Variants in NR5A2 observed in about 807,000 individuals in gnomAD.
NR5A2 encodes nuclear receptor subfamily 5 group A member 2, also known as CYP7A promoter-binding factor.
In NR5A2, 26 loss-of-function variants were observed where a neutral mutation model predicts 62.7. The ratio of observed to expected loss-of-function variants is 0.41; its 90% CI spans 0.30 to 0.58. The LOEUF (loss-of-function observed/expected upper bound fraction) is 0.58. Ranked by LOEUF, NR5A2 falls within the 20% of genes least tolerant of loss-of-function variation. The pLI is 0.22. For synonymous variants in NR5A2, 246 were observed against 241.7 expected (o/e 1.02, Z -0.16); for missense variants, 541 against 669.1 (o/e 0.81, Z 2.11).
intron 7 of NR5A2, among the ~76,000 whole-genome samples, chr1:200,154,497 G>T (rs1296364496): frequency 6.6e-6 from 1 of 152,166 alleles, no homozygotes; most frequent in Non-Finnish European, 1.5e-5. Context: ...CAGAGAGATG[G>T]TGGTGGTCTC....
intron 1 of NR5A2, chr1:200,029,229 A>ACGCGCGCTCGGGGG (rs1661459476): frequency 4.7e-6 from 1 of 211,936 alleles, no homozygotes; most frequent in African/African-American, 2.4e-5. Context: ...CGCACGGGGG[A>ACGCGCGCTCGGGGG]CGCGCGCTCG....
At chr1:200,105,830 T>C (rs984278374) in intron 5 of NR5A2, among the ~76,000 whole-genome samples, 1 of 152,040 alleles carries the variant, frequency 6.6e-6, no homozygotes, top group Non-Finnish European at 1.5e-5. Context: ...TGAGTTCTGG[T>C]GGTCCTAGCT....
At chr1:200,075,480 A>T (rs1247057859) in intron 5 of NR5A2, among the ~76,000 whole-genome samples, 1 of 152,244 alleles carries the variant, frequency 6.6e-6, no homozygotes, top group Non-Finnish European at 1.5e-5. Flanking sequence ...GCAATATGCA[A>T]ATTAATTTGG....
At chr1:200,033,154 A>G (rs929744638) in intron 1 of NR5A2, among the ~76,000 whole-genome samples, 11 of 152,162 alleles carry the variant, frequency 7.2e-5, no homozygotes, top group African/African-American at 2.7e-4. Flanking sequence ...AGTTTCCTGG[A>G]AAGGATCTCT....
At chr1:200,084,911 A>G (rs888829635) in intron 5 of NR5A2, among the ~76,000 whole-genome samples, 5 of 152,238 alleles carry the variant, frequency 3.3e-5, no homozygotes, top group Non-Finnish European at 5.9e-5. Flanking sequence ...GAATACTGCT[A>G]CAGTCTAATA....
chr1:200,028,312 C>G (rs1012808495), intron 1 of NR5A2, among the ~76,000 whole-genome samples: 4 of 150,616 alleles, frequency 2.7e-5, no homozygotes, highest in Admixed American at 2.0e-4. Context: ...AGATAGCTGT[C>G]AAGTATTTGT....
Position 200,147,492 on chromosome 1 carries a change from G to GT in NR5A2, c.1379-26468dup. 1 of 632,690 alleles carries GT rather than the reference G, an allele frequency of 1.6e-6. No individual in the cohort carries two copies. Among genetic ancestry groups the GT allele is most frequent in the Non-Finnish European group, 3.0e-6 (1 of 329,292 alleles). 39.2% of individuals were successfully genotyped at this position (632,690 alleles called of 1,614,324 possible). On this transcript the variant is annotated intron_variant, in intron 7 of 7. Transcript: ENST00000367362. The surrounding 1 kb of genome is among the most constrained non-coding windows in gnomAD (Gnocchi z 4.9). ...TTTGAGGCAAGGGACAATTTGATCT[G>GT]TTTCTTCATCCTTAAAATTTCTGCT...
In NR5A2 at chr1:200,039,672, G is replaced by A; in HGVS notation, c.79G>A (p.Asp27Asn). ...CCCGTGTCCAGGTGCTGGGCTTCCGGACCGACACGGATCCCCCATCCCCGC... is the reference window on the plus strand; with the variant it reads ...CCCGTGTCCAGGTGCTGGGCTTCCGAACCGACACGGATCCCCCATCCCCGC... ...GLTPIGAGLP[D>N]RHGSPIPARG... Residue 27 changes from aspartate (D) to asparagine (N), a missense_variant, in exon 2 of 8, where the codon GAC becomes AAC. This residue lies in a region of NR5A2 where 108 missense variants were observed against 103.3 expected (regional missense o/e 1.05). Coordinates refer to ENST00000367362, the MANE Select transcript of NR5A2 (RefSeq NM_205860.3). This position sits in a 1 kb window ranked among gnomAD's most constrained non-coding sequence, Gnocchi z 5.1. 6.2e-7 allele frequency: 1 copy of A among 1,611,720 alleles called. No individual in the cohort carries two copies. The highest frequency in any genetic ancestry group is 8.5e-7 in the Non-Finnish European group (1 of 1,179,050).
At chr1:200,065,856 A>G (rs1663443210) in intron 5 of NR5A2, among the ~76,000 whole-genome samples, 1 of 152,216 alleles carries the variant, frequency 6.6e-6, no homozygotes, top group Non-Finnish European at 1.5e-5. Context: ...AGGCACAGGA[A>G]TAGCATATGC....
intron 5 of NR5A2, among the ~76,000 whole-genome samples, chr1:200,100,924 C>A (rs770358263): frequency 1.3e-5 from 2 of 152,090 alleles, no homozygotes; most frequent in African/African-American, 2.4e-5. Context: ...CTGAAACAAC[C>A]CTTATGGAGC....
At chr1:200,040,500 T>A (rs1662011979) in intron 2 of NR5A2, among the ~76,000 whole-genome samples, 1 of 152,232 alleles carries the variant, frequency 6.6e-6, no homozygotes, top group South Asian at 2.1e-4. Context: ...AGCTCTTGAT[T>A]GCCAACAAAA....
At chr1:200,086,465 A>G (rs1664531231) in intron 5 of NR5A2, among the ~76,000 whole-genome samples, 1 of 151,986 alleles carries the variant, frequency 6.6e-6, no homozygotes, top group African/African-American at 2.4e-5. Flanking sequence ...CACCATACCC[A>G]GCTAATTTTG....
chr1:200,094,002 A>G (rs1411382614), intron 5 of NR5A2, among the ~76,000 whole-genome samples: 1 of 151,940 alleles, frequency 6.6e-6, no homozygotes, highest in Admixed American at 6.6e-5. Context: ...TAAAAATACA[A>G]AAATAAAAAT....
intron 7 of NR5A2, among the ~76,000 whole-genome samples, chr1:200,162,815 C>T (rs1394522121): frequency 6.6e-6 from 1 of 152,018 alleles, no homozygotes; most frequent in Non-Finnish European, 1.5e-5. Context: ...GATTCTTAGT[C>T]CAATCATTGG....
intron 7 of NR5A2, among the ~76,000 whole-genome samples, chr1:200,173,305 C>T (rs1256632536): frequency 6.6e-6 from 1 of 152,186 alleles, no homozygotes; most frequent in Non-Finnish European, 1.5e-5. Context: ...ACCATCCTGG[C>T]TTGTGTTCTG....
chr1:200,081,064 T>C (rs112964727), intron 5 of NR5A2, among the ~76,000 whole-genome samples: 5 of 152,224 alleles, frequency 3.3e-5, no homozygotes, highest in Non-Finnish European at 7.3e-5. Flanking sequence ...GAGGAAAGAT[T>C]CAGAATCACC....
At chr1:200,089,206 T>C (rs909419220) in intron 5 of NR5A2, among the ~76,000 whole-genome samples, 1 of 152,162 alleles carries the variant, frequency 6.6e-6, no homozygotes, top group Non-Finnish European at 1.5e-5. Flanking sequence ...CTTTGGGTTT[T>C]GTTTTGTTTT....
At chr1:200,059,128 A>T (rs965085489) in intron 5 of NR5A2, among the ~76,000 whole-genome samples, 1 of 151,896 alleles carries the variant, frequency 6.6e-6, no homozygotes, top group Non-Finnish European at 1.5e-5. Context: ...TAATAATAAT[A>T]ATTAGAGGAG....
intron 7 of NR5A2, among the ~76,000 whole-genome samples, chr1:200,162,929 C>G (rs539554145): frequency 5.1e-4 from 77 of 152,248 alleles, no homozygotes; most frequent in African/African-American, 1.9e-3. Flanking sequence ...GTAGAGACAT[C>G]TAGTAAATAG....
Sources: gnomAD v4.1 joint callset for allele counts (sites outside exome capture counted in the v4.1 genomes callset) on GRCh38, gnomAD v4.1.1 for gene constraint, gnomAD v4.1.1 regional missense constraint, Gnocchi (gnomAD v3.1) non-coding constraint, MANE v1.5 for transcripts, NCBI Gene and HGNC (gene_info 2026-07-23, HGNC 2026-07-21) for gene names.